The following DAB2IP variants were observed in gnomAD, a reference collection of about 807,000 sequenced individuals.
The protein encoded by DAB2IP is DAB2 interacting protein, also known as disabled homolog 2-interacting protein.
In DAB2IP, 28 loss-of-function variants were observed where a neutral mutation model predicts 107.2. The observed-to-expected ratio is 0.26, with a 90% CI of 0.19 to 0.36. DAB2IP has a LOEUF of 0.36. Among genes scored for constraint, DAB2IP ranks in the 10% least tolerant of loss-of-function variants. The probability of loss-of-function intolerance (pLI) is 1.00; values close to 1 mark genes in which losing one functional copy is unlikely to be tolerated. For missense variants in DAB2IP, 1,400 were observed against 1,644.7 expected, an observed-to-expected ratio of 0.85 and a Z score of 2.57; for synonymous variants, 755 against 706.4, an observed-to-expected ratio of 1.07 and a Z score of -1.09.
chr9:121,688,191 A>G (rs1257897167), intron 2 of DAB2IP, among the ~76,000 whole-genome samples: 1 of 152,104 alleles, frequency 6.6e-6, no homozygotes, highest in Non-Finnish European at 1.5e-5. Flanking sequence ...TCCTCATGCT[A>G]CAAAAATGAA....
intron 1 of DAB2IP, among the ~76,000 whole-genome samples, chr9:121,657,624 A>T (rs1409173347): frequency 6.6e-6 from 1 of 152,062 alleles, no homozygotes; most frequent in Non-Finnish European, 1.5e-5. Context: ...AACCCAGTCC[A>T]CTGGACTCGA....
At chr9:121,750,330 C>CAT (rs1554739469) in intron 3 of DAB2IP, among the ~76,000 whole-genome samples, 1 of 151,940 alleles carries the variant, frequency 6.6e-6, no homozygotes, top group East Asian at 1.9e-4. Context: ...TGCGCGCGCG[C>CAT]GTGTGTGTGT....
intron 8 of DAB2IP, 109 bp from the exon 9 acceptor site, chr9:121,766,385 C>T (rs1234730681): frequency 1.4e-5 from 14 of 1,001,914 alleles, no homozygotes; most frequent in Middle Eastern, 2.1e-4. Flanking sequence ...GCTGACCTCA[C>T]GCAGCTGGCG....
At chr9:121,752,120 G>A (rs1833160489) in intron 3 of DAB2IP, 2 of 773,524 alleles carry the variant, frequency 2.6e-6, no homozygotes, top group South Asian at 5.9e-5. Context: ...AGAGGGATGG[G>A]GGAAGCGGCC....
intron 2 of DAB2IP, among the ~76,000 whole-genome samples, chr9:121,685,097 A>G (rs1828801509): frequency 6.6e-6 from 1 of 152,158 alleles, no homozygotes; most frequent in African/African-American, 2.4e-5. Flanking sequence ...GCGTGTATTC[A>G]GCGGATGGGC....
chr9:121,593,784 C>T (rs958628502), intron 1 of DAB2IP, among the ~76,000 whole-genome samples: 1 of 151,424 alleles, frequency 6.6e-6, no homozygotes, highest in Non-Finnish European at 1.5e-5. Flanking sequence ...TCTCCTGCCT[C>T]AGCCTCCCGA....
At chr9:121,654,295 G>A (rs1470226494) in intron 1 of DAB2IP, among the ~76,000 whole-genome samples, 1 of 152,104 alleles carries the variant, frequency 6.6e-6, no homozygotes, top group African/African-American at 2.4e-5. Context: ...CTGGGTGAGT[G>A]GGTGGGGAAG....
Position 121,698,945 on chromosome 9 carries a change from G to T in DAB2IP, c.229-380G>T, listed in dbSNP as rs1040980732. Among the ~76,000 whole-genome samples the T allele has an allele frequency of 6.6e-6, 1 of 151,902 alleles. No homozygotes were observed. The highest frequency in any genetic ancestry group is 2.4e-5 in the African/African-American group (1 of 41,418). ...GAGGTGAGCGGGGCGGCCGGCCCTGGCGGTCCCCGGGGGTCTCCGCCCCTC... is the reference window on the plus strand; with the variant it reads ...GAGGTGAGCGGGGCGGCCGGCCCTGTCGGTCCCCGGGGGTCTCCGCCCCTC... On this transcript the variant is annotated intron_variant, in intron 2 of 15. Coordinates refer to ENST00000408936, the Ensembl canonical transcript of DAB2IP. The surrounding 1 kb of genome is among the most constrained non-coding windows in gnomAD (Gnocchi z 4.1).
intron 3 of DAB2IP, chr9:121,742,991 T>TC: frequency 1.0e-6 from 1 of 985,472 alleles, no homozygotes; most frequent in South Asian, 4.7e-5. Flanking sequence ...GTGGAGCAGT[T>TC]GGGGCCTGTG....
intron 3 of DAB2IP, among the ~76,000 whole-genome samples, chr9:121,717,791 G>T (rs1830689605): frequency 6.6e-6 from 1 of 152,124 alleles, no homozygotes; most frequent in Middle Eastern, 3.2e-3. Context: ...TCCCCCTCCA[G>T]TCCTGGACTT....
At chr9:121,775,681 T>C (rs979722204) in intron 13 of DAB2IP, among the ~76,000 whole-genome samples, 5 of 152,094 alleles carry the variant, frequency 3.3e-5, no homozygotes, top group African/African-American at 1.2e-4. Flanking sequence ...GTTCTCTCTC[T>C]CTCCATTTCC....
At chr9:121,741,754 C>G (rs1832365156) in intron 3 of DAB2IP, among the ~76,000 whole-genome samples, 1 of 151,448 alleles carries the variant, frequency 6.6e-6, no homozygotes, top group African/African-American at 2.4e-5. Flanking sequence ...GTGCCTCCAG[C>G]TATCCTGGGG....
intron 1 of DAB2IP, among the ~76,000 whole-genome samples, chr9:121,573,516 C>G (rs1829997213): frequency 6.6e-6 from 1 of 152,048 alleles, no homozygotes; most frequent in African/African-American, 2.4e-5. Flanking sequence ...TCCTGAGTAG[C>G]TGGGACTACA....
intron 1 of DAB2IP, among the ~76,000 whole-genome samples, chr9:121,589,856 G>C (rs959134927): frequency 6.6e-6 from 1 of 151,970 alleles, no homozygotes; most frequent in African/African-American, 2.4e-5. Context: ...CCCGATGTAG[G>C]GTAGGCTGAG....
chr9:121,741,648 C>T (rs1425369049), intron 3 of DAB2IP, among the ~76,000 whole-genome samples: 1 of 151,892 alleles, frequency 6.6e-6, no homozygotes, highest in Admixed American at 6.6e-5. Flanking sequence ...GTGATCCTGC[C>T]TGGAAATCAC....
At chr9:121,621,636 CTTTTTTTTTTTT>C (rs538942620) in intron 1 of DAB2IP, among the ~76,000 whole-genome samples, 2 of 134,880 alleles carry the variant, frequency 1.5e-5, no homozygotes, top group Admixed American at 7.5e-5. Context: ...TCTTTTTTTC[CTTTTTTTTTTTT>C]TTTTTTGAGA....
chr9:121,589,851 T>C (rs1321048164), intron 1 of DAB2IP, among the ~76,000 whole-genome samples: 2 of 152,018 alleles, frequency 1.3e-5, no homozygotes, highest in African/African-American at 2.4e-5. Context: ...CAGCTCCCGA[T>C]GTAGGGTAGG....
At chr9:121,690,734 C>G (rs1447048585) in intron 2 of DAB2IP, among the ~76,000 whole-genome samples, 1 of 152,190 alleles carries the variant, frequency 6.6e-6, no homozygotes, top group Non-Finnish European at 1.5e-5. Context: ...CTGGGCTCCC[C>G]TCTTTTTCCT....
chr9:121,619,355 C>T (rs1248226313), intron 1 of DAB2IP, among the ~76,000 whole-genome samples: 1 of 152,116 alleles, frequency 6.6e-6, no homozygotes, highest in South Asian at 2.1e-4. Flanking sequence ...CCATGTTGCC[C>T]AGGCTGGTCT....
Sources: allele counts gnomAD v4.1 joint callset (sites outside exome capture counted in the v4.1 genomes callset), GRCh38; gene constraint gnomAD v4.1.1; non-coding constraint Gnocchi (gnomAD v3.1); transcripts MANE v1.5; gene names NCBI Gene and HGNC (gene_info 2026-07-23, HGNC 2026-07-21).